SLC49A3: variants seen among roughly 807,000 people sequenced by gnomAD.
SLC49A3 encodes the protein solute carrier family 49 member A3.
In SLC49A3, 50 loss-of-function variants were observed where a neutral mutation model predicts 43.8. The observed-to-expected ratio is 1.14, with a 90% confidence interval of 0.91 to 1.45. The LOEUF (loss-of-function observed/expected upper bound fraction) is 1.45. Ranked by LOEUF, SLC49A3 falls within the 40% of genes most tolerant of loss-of-function variation. The pLI is 0.00. For missense variants in SLC49A3, 906 were observed against 774.1 expected, an observed-to-expected ratio of 1.17 and a Z score of -2.02; for synonymous variants, 413 against 352.0, an observed-to-expected ratio of 1.17 and a Z score of -1.94.
chr4:681,350 T>C (rs1483445734), downstream of SLC49A3, among the ~76,000 whole-genome samples: 1 of 151,830 alleles, frequency 6.6e-6, no homozygotes, highest in Non-Finnish European at 1.5e-5. Context: ...CTCCCCTCCG[T>C]TAGATCAGCG....
In SLC49A3 at chr4:683,262, A is replaced by T. The variant is rs1560165971; in HGVS notation, c.1099T>A (p.Cys367Ser). Reference protein sequence around the residue: ...GPVAMELAVECSFPVGEGAAT... With the variant: ...GPVAMELAVESSFPVGEGAAT... The stretch of plus-strand genomic sequence containing the variant: ...GCCCCCTCCCCCACGGGGAAGGAAC[A>T]CTCGACCGCCAACTCCATGGCCACG... The change falls in exon 8 of 10, where the codon TGT becomes AGT. Residue 367 changes from cysteine to serine, a missense_variant. Cys to Ser is a moderately radical substitution (Grantham distance 112). Coordinates refer to ENST00000322224, the MANE Select transcript of SLC49A3 (RefSeq NM_032219.4). 2 of 1,612,614 alleles carry T rather than the reference A, an allele frequency of 1.2e-6. No individual in the cohort carries two copies. Among genetic ancestry groups the T allele is most frequent in the Non-Finnish European group, 1.7e-6 (2 of 1,179,858 alleles).
In SLC49A3 at chr4:683,625, C is replaced by A; in HGVS notation, c.977G>T (p.Cys326Phe). 6.2e-7 allele frequency: 1 copy of A among 1,611,820 alleles called. No individual in the cohort carries two copies. Among genetic ancestry groups the A allele is most frequent in the African/African-American group, 1.3e-5 (1 of 74,998 alleles). The change falls in exon 7 of 10, where the codon TGC becomes TTC. Residue 326 changes from cysteine (C) to phenylalanine (F), a missense_variant. Physicochemically the swap from Cys to Phe is radical, Grantham distance 205. Coordinates refer to ENST00000322224, the MANE Select transcript of SLC49A3 (RefSeq NM_032219.4). ...KIGLCLFSLA[C>F]VPFALVSQLQ... ...GACCCTCACCAGGGCAAAGGGCACG[C>A]AGGCCAGAGAGAACAGGCACAGGCC...
downstream of SLC49A3, chr4:680,730 A>G: frequency 1.2e-6 from 1 of 848,570 alleles, no homozygotes; most frequent in Non-Finnish European, 1.8e-6. Flanking sequence ...GAGCGAACCC[A>G]GGATCCCAGC....
chr4:679,306 G>C, downstream of SLC49A3: 1 of 381,942 alleles, frequency 2.6e-6, no homozygotes, highest in Non-Finnish European at 4.3e-6. Flanking sequence ...GGGAGGGGCT[G>C]ACTCTCTGGT....
At chr4:686,766 G>T (rs1174287707) in intron 1 of SLC49A3, 76 bp from the exon 2 acceptor site, 2 of 1,540,428 alleles carry the variant, frequency 1.3e-6, no homozygotes, top group East Asian at 4.5e-5. Context: ...CCAGCCCGAG[G>T]GGGTCAGAGT....
Position 682,070 on chromosome 4 carries a change from G to A in SLC49A3, c.1568C>T (p.Ala523Val). ...GCCGGGGCGGGAGGGCGCGTCGGTG[G>A]CTGCTGGGCCTTGCGCACGGGGAGT... ...RATPRAQGPA[A>V]TDAPSRPGRL... Residue 523 changes from alanine (A) to valine (V), a missense_variant, in exon 10 of 10, where the codon GCC becomes GTC. Physicochemically the swap from Ala to Val is moderately conservative, Grantham distance 64. Transcript: ENST00000322224. 2.1e-6 allele frequency: 3 copies of A among 1,405,030 alleles called. No individual in the cohort carries two copies. Among genetic ancestry groups the A allele is most frequent in the African/African-American group, 1.5e-5 (1 of 67,138 alleles). The allele number at this position is 1,405,030 out of a possible 1,614,324, so 87.0% of individuals were successfully genotyped here.
chr4:682,199 C>T lies in SLC49A3; in HGVS notation c.1439G>A (p.Gly480Glu), dbSNP rs1296739325. The T allele has an allele frequency of 7.3e-7, 1 of 1,367,538 alleles. No individual in the cohort carries two copies. The highest frequency in any genetic ancestry group is 9.5e-7 in the Non-Finnish European group (1 of 1,049,324). 84.7% of individuals were successfully genotyped at this position (1,367,538 alleles called of 1,614,324 possible). Reference sequence around the variant, plus strand: ...AGTCGCCGTGCTGGGCCCCAGGACCCCAGCCCTTCCTGCTCCCCCTCGGTC... The same window carrying T: ...AGTCGCCGTGCTGGGCCCCAGGACCTCAGCCCTTCCTGCTCCCCCTCGGTC... ...GVDRGGAGRA[G>E]VLGPSTATPE... The change falls in exon 10 of 10, where the codon GGG becomes GAG. Residue 480 changes from glycine to glutamate, a missense_variant. Physicochemically the swap from Gly to Glu is moderately conservative, Grantham distance 98. Coordinates refer to ENST00000322224, the MANE Select transcript of SLC49A3 (RefSeq NM_032219.4).
In SLC49A3 at chr4:684,843, G is replaced by A. The variant is rs1740665925; in HGVS notation, c.599C>T (p.Thr200Ile). 6.2e-7 allele frequency: 1 copy of A among 1,612,088 alleles called. No homozygotes were observed. The highest frequency in any genetic ancestry group is 8.5e-7 in the Non-Finnish European group (1 of 1,179,796). Residue 200 changes from threonine (T) to isoleucine (I), a missense_variant, in exon 5 of 10, where the codon ACC becomes ATC. Coordinates refer to ENST00000322224, the MANE Select transcript of SLC49A3 (RefSeq NM_032219.4). ...CAGGCAGACGACGCCAGCAGGGATGGTATAGACACCGAGCTGGGGAGGGGT... is the reference window on the plus strand; with the variant it reads ...CAGGCAGACGACGCCAGCAGGGATGATATAGACACCGAGCTGGGGAGGGGT... ...EDIPLMLGVY[T>I]IPAGVVCLLS...
chr4:683,275 C>A lies in SLC49A3; in HGVS notation c.1086G>T (p.Glu362Asp). 1 of 1,602,236 alleles carries A rather than the reference C, an allele frequency of 6.2e-7. No homozygotes were observed. Among genetic ancestry groups the A allele is most frequent in the African/African-American group, 1.4e-5 (1 of 71,342 alleles). Residue 362 changes from glutamate (E) to aspartate (D), a missense_variant, in exon 8 of 10, where the codon GAG (glutamate) becomes GAT (aspartate). By Grantham distance (45) the Glu-to-Asp change is conservative. Transcript: ENST00000322224. The part of the protein sequence containing the change: ...FGFSVGPVAM[E>D]LAVECSFPVG... ...CGGGGAAGGAACACTCGACCGCCAA[C>A]TCCATGGCCACGGGGCCCACCGAGA...
At chr4:683,439 C>T in intron 7 of SLC49A3, 72 bp from the exon 8 acceptor site, 2 of 1,551,006 alleles carry the variant, frequency 1.3e-6, no homozygotes, top group South Asian at 2.4e-5. Flanking sequence ...CTTCACGGGA[C>T]ATGGGACACG....
Position 686,627 on chromosome 4 carries a change from G to A in SLC49A3, c.199C>T (p.Gln67Ter). ...TAGACCAGTGACAGCCAGTTGATCTGCTCCATGGACAGGACCAAGTCCTCA... is the reference window on the plus strand; with the variant it reads ...TAGACCAGTGACAGCCAGTTGATCTACTCCATGGACAGGACCAAGTCCTCA... ...IAEDLVLSME[Q>*]INWLSLVYLV... The change falls in exon 2 of 10, where the codon CAG becomes TAG. Residue 67 changes from glutamine (Q) to a stop codon, truncating the protein, a stop_gained. Transcript: ENST00000322224. LOFTEE classifies it high-confidence loss of function. 1 of 1,613,364 alleles carries A rather than the reference G, an allele frequency of 6.2e-7. No individual in the cohort carries two copies. The highest frequency in any genetic ancestry group is 8.5e-7 in the Non-Finnish European group (1 of 1,179,968).
chr4:684,279 AC>A (rs1740525673), intron 6 of SLC49A3, among the ~76,000 whole-genome samples: 1 of 151,672 alleles, frequency 6.6e-6, no homozygotes, highest in Non-Finnish European at 1.5e-5. Flanking sequence ...CAGCTGCCCC[AC>A]CCCACTGCAG....
downstream of SLC49A3, chr4:676,946 G>A (rs990291298): frequency 2.9e-5 from 29 of 985,064 alleles, no homozygotes; most frequent in East Asian, 6.8e-4. Context: ...CTCAGGGGAC[G>A]CCAACTGTGA....
chr4:686,330 C>A, intron 2 of SLC49A3, 28 bp from the exon 3 acceptor site: 1 of 1,608,504 alleles, frequency 6.2e-7, no homozygotes, highest in Non-Finnish European at 8.5e-7. Flanking sequence ...GGGACCGGGT[C>A]AGGAACGCTG....
rs200030320 is a variant in SLC49A3, at chr4:681,949, G to A, written c.*9C>T. 6.9e-5 allele frequency: 93 copies of A among 1,345,908 alleles called. No individual in the cohort carries two copies. The highest frequency in any genetic ancestry group is 8.4e-5 in the Non-Finnish European group (87 of 1,036,462). The allele number at this position is 1,345,908 out of a possible 1,614,324, so 83.4% of individuals were successfully genotyped here. The stretch of plus-strand genomic sequence containing the variant: ...ATGTGGCGGGCAACCTGGACTACAA[G>A]GCGCTCAGCTACGTGATCACCCACG... On this transcript the variant is annotated 3_prime_UTR_variant, in exon 10 of 10. Coordinates refer to ENST00000322224, the MANE Select transcript of SLC49A3 (RefSeq NM_032219.4).
upstream of SLC49A3, among the ~76,000 whole-genome samples, chr4:690,373 C>T (rs1226432225): frequency 6.6e-6 from 1 of 152,248 alleles, no homozygotes; most frequent in Admixed American, 6.5e-5. Flanking sequence ...CCTTCCCCAC[C>T]GTCTAGCCTC....
chr4:689,156 G>A (rs1247609150), upstream of SLC49A3: 3 of 1,291,102 alleles, frequency 2.3e-6, no homozygotes, highest in Non-Finnish European at 2.9e-6. Context: ...GTCTCCGCCG[G>A]TCCCGCCGGC....
At position 682,894 on chromosome 4, in the gene SLC49A3, G is replaced by A. The variant is rs754338656; in HGVS notation, c.1152-4C>T. On this transcript the variant is annotated splice_region_variant and splice_polypyrimidine_tract_variant and intron_variant, in intron 8 of 9. Transcript: ENST00000322224. ...GATGAGTATTCCCTCGGCCTGCCTG[G>A]ACACACGTGGCCCTCAGCCCCCGCT... The A allele has an allele frequency of 2.5e-5, 40 of 1,582,774 alleles. No homozygotes were observed. The South Asian group carries it at 4.2e-4, about 16-fold the overall frequency.
At position 686,055 on chromosome 4, in the gene SLC49A3, G is replaced by A. The variant is rs1740948193; in HGVS notation, c.508+34C>T. 2.5e-6 allele frequency: 4 copies of A among 1,611,734 alleles called. No individual in the cohort carries two copies. The South Asian group carries it at 4.4e-5, about 18-fold the overall frequency. ...AGCGTCTGTGTGGACCCTGAGGTGA[G>A]CCCAGGCAGGCGGCCTCCCTCCCCG... On this transcript the variant is annotated intron_variant, in intron 3 of 9. Coordinates refer to ENST00000322224, the MANE Select transcript of SLC49A3 (RefSeq NM_032219.4).
Sources: allele counts gnomAD v4.1 joint callset (sites outside exome capture counted in the v4.1 genomes callset), GRCh38; gene constraint gnomAD v4.1.1; transcripts MANE v1.5; gene names NCBI Gene and HGNC (gene_info 2026-07-23, HGNC 2026-07-21).